EXOC4: variants seen among roughly 807,000 people sequenced by gnomAD.
EXOC4 encodes SEC8-like 1.
A neutral mutation model predicts 107.2 loss-of-function variants in EXOC4; 71 were observed. The observed-to-expected ratio is 0.66, with a 90% confidence interval of 0.55 to 0.81. The LOEUF is 0.81. Among genes scored for constraint, EXOC4 ranks in the 30% least tolerant of loss-of-function variants. The probability of loss-of-function intolerance (pLI) is 0.00; values close to 1 mark genes in which losing one functional copy is unlikely to be tolerated. For synonymous variants in EXOC4, 456 were observed against 441.2 expected, an observed-to-expected ratio of 1.03 and a Z score of -0.42; for missense variants, 1,108 against 1,189.6, an observed-to-expected ratio of 0.93 and a Z score of 1.01.
chr7:133,448,144 G>A (rs1034762840), intron 7 of EXOC4, among the ~76,000 whole-genome samples: 1 of 152,152 alleles, frequency 6.6e-6, no homozygotes, highest in African/African-American at 2.4e-5. Context: ...ACAGTGTAGT[G>A]AAGCATTTCT....
At chr7:133,695,176 A>G (rs1794505978) in intron 10 of EXOC4, among the ~76,000 whole-genome samples, 1 of 20,958 alleles carries the variant, frequency 4.8e-5, no homozygotes, top group Non-Finnish European at 1.0e-4. Context: ...TCTCCATGAG[A>G]TTCATTTTTT....
chr7:133,970,641 C>T (rs1801198321), intron 14 of EXOC4, among the ~76,000 whole-genome samples: 2 of 152,160 alleles, frequency 1.3e-5, no homozygotes, highest in South Asian at 4.1e-4. Context: ...GATGATGTCC[C>T]ACCCTGCTTC....
chr7:133,986,974 A>G (rs1278924680), intron 14 of EXOC4, among the ~76,000 whole-genome samples: 1 of 152,180 alleles, frequency 6.6e-6, no homozygotes, highest in Non-Finnish European at 1.5e-5. Context: ...CTGACTTTGT[A>G]GGCCTCGTGA....
At chr7:133,468,631 T>G (rs6467493) in intron 7 of EXOC4, among the ~76,000 whole-genome samples, 1 of 152,040 alleles carries the variant, frequency 6.6e-6, no homozygotes, top group Non-Finnish European at 1.5e-5. Flanking sequence ...CATCCTCCAT[T>G]GGGTAAGACT....
intron 10 of EXOC4, among the ~76,000 whole-genome samples, chr7:133,632,621 A>G (rs1010284951): frequency 1.3e-5 from 2 of 152,158 alleles, no homozygotes; most frequent in Non-Finnish European, 2.9e-5. Flanking sequence ...AGTTTTTGTA[A>G]TGAAACGAAC....
intron 7 of EXOC4, among the ~76,000 whole-genome samples, chr7:133,376,508 T>C (rs1431855187): frequency 6.6e-6 from 1 of 152,188 alleles, no homozygotes; most frequent in African/African-American, 2.4e-5. Context: ...ACTTAGGTAG[T>C]CAGCACAGTC....
chr7:134,035,262 CT>C (rs1795363461), intron 17 of EXOC4, among the ~76,000 whole-genome samples: 1 of 151,990 alleles, frequency 6.6e-6, no homozygotes, highest in African/African-American at 2.4e-5. Flanking sequence ...TCAGGCTGGT[CT>C]TGAACTCCTG....
chr7:133,448,349 A>T (rs989396491), intron 7 of EXOC4, among the ~76,000 whole-genome samples: 1 of 152,010 alleles, frequency 6.6e-6, no homozygotes, highest in African/African-American at 2.4e-5. Context: ...CCAGACTGGA[A>T]TACAGTGGTG....
intron 1 of EXOC4, among the ~76,000 whole-genome samples, chr7:133,255,306 A>G (rs991995507): frequency 7.9e-5 from 12 of 152,132 alleles, no homozygotes; most frequent in African/African-American, 2.9e-4. Context: ...CTTCCCGCAT[A>G]GCTGGGATTA....
At chr7:134,067,149 CAA>C (rs10597442), downstream of EXOC4, among the ~76,000 whole-genome samples, 1,610 of 121,158 alleles carry the variant, frequency 0.013, 2 homozygotes, top group African/African-American at 0.044. Flanking sequence ...CACTCTGTCT[CAA>C]AAAAAAAAAA....
rs13221442 is a variant in EXOC4 at position 134,024,204 on chromosome 7, A to G, written c.2687+16369A>G. On this transcript the variant is annotated intron_variant, in intron 17 of 17. Coordinates refer to ENST00000253861, the MANE Select transcript of EXOC4 (RefSeq NM_021807.4). ...GGTGGCTCTTGCCTGTAATCCCAGC[A>G]CTTTGGGAGGCCGAGGCAGGCGGAT... Among the ~76,000 whole-genome samples the G allele has an allele frequency of 5.4e-3, 830 of 152,352 alleles. 3 individuals carry two copies. Among genetic ancestry groups the G allele is most frequent in the Middle Eastern group, 0.01 (3 of 294 alleles).
chr7:133,254,691 C>G (rs909326986), intron 1 of EXOC4, among the ~76,000 whole-genome samples: 6 of 151,988 alleles, frequency 3.9e-5, no homozygotes, highest in Non-Finnish European at 8.8e-5. Context: ...ACAGTGTTAC[C>G]CTTGAGGAGA....
At chr7:133,664,050 T>G (rs1793756637) in intron 10 of EXOC4, among the ~76,000 whole-genome samples, 1 of 152,156 alleles carries the variant, frequency 6.6e-6, no homozygotes, top group African/African-American at 2.4e-5. Flanking sequence ...CTTAAACATT[T>G]GCACTACTTT....
chr7:134,030,697 C>G (rs1442275346), intron 17 of EXOC4, among the ~76,000 whole-genome samples: 2 of 142,912 alleles, frequency 1.4e-5, no homozygotes, highest in Non-Finnish European at 3.1e-5. Flanking sequence ...GCTCACCCCC[C>G]CGCCCCGAGT....
At chr7:133,354,861 C>G (rs1159306413) in intron 5 of EXOC4, among the ~76,000 whole-genome samples, 1 of 152,152 alleles carries the variant, frequency 6.6e-6, no homozygotes, top group Non-Finnish European at 1.5e-5. Context: ...TTGGAAGTTG[C>G]AAGCCTTCCA....
intron 9 of EXOC4, among the ~76,000 whole-genome samples, chr7:133,483,015 A>G (rs746933691): frequency 1.3e-5 from 2 of 152,212 alleles, no homozygotes; most frequent in Non-Finnish European, 2.9e-5. Flanking sequence ...TTACTGCCAC[A>G]TCTTTAATGA....
intron 9 of EXOC4, among the ~76,000 whole-genome samples, chr7:133,492,054 G>A (rs1376761918): frequency 6.6e-6 from 1 of 152,174 alleles, no homozygotes; most frequent in Non-Finnish European, 1.5e-5. Context: ...TCCTGCGGGT[G>A]ATAAGGAGTC....
intron 10 of EXOC4, among the ~76,000 whole-genome samples, chr7:133,670,942 A>G (rs151152501): frequency 3.3e-5 from 5 of 152,170 alleles, no homozygotes; most frequent in Admixed American, 1.3e-4. Flanking sequence ...AAAGCGGGCT[A>G]AGGAGGAGTC....
intron 11 of EXOC4, among the ~76,000 whole-genome samples, chr7:133,848,380 A>C (rs1236392553): frequency 1.3e-5 from 2 of 152,194 alleles, no homozygotes; most frequent in African/African-American, 4.8e-5. Flanking sequence ...AAGTGTTCCC[A>C]TGTGAAAATG....
Sources: gnomAD v4.1 joint callset for allele counts (sites outside exome capture counted in the v4.1 genomes callset) on GRCh38, gnomAD v4.1.1 for gene constraint, MANE v1.5 for transcripts, NCBI Gene and HGNC (gene_info 2026-07-23, HGNC 2026-07-21) for gene names.